The following DMD variants were observed in gnomAD, a reference collection of about 807,000 sequenced individuals.
The protein encoded by DMD is mutant dystrophin.
Under a neutral mutation model 330.1 loss-of-function variants are expected in DMD, and 63 were observed. That is an observed-to-expected ratio of 0.19 (90% CI 0.16 to 0.24). The LOEUF is 0.24. Among genes scored for constraint, DMD ranks in the 10% least tolerant of loss-of-function variants. The probability of loss-of-function intolerance (pLI) is 1.00; values close to 1 mark genes in which losing one functional copy is unlikely to be tolerated. For missense variants in DMD, 3,344 were observed against 2,684.1 expected, an observed-to-expected ratio of 1.25 and a Z score of -5.43; for synonymous variants, 1,223 against 959.8, an observed-to-expected ratio of 1.27 and a Z score of -5.07.
intron 1 of DMD, among the ~76,000 whole-genome samples, chrX:33,167,149 C>A (rs898783626): frequency 9.0e-6 from 1 of 111,402 alleles, no homozygotes; most frequent in Non-Finnish European, 1.9e-5. Context: ...TAGGAAACAA[C>A]GCTTGAATAA....
chrX:33,212,853 C>T (rs1194492381), upstream of DMD, among the ~76,000 whole-genome samples: 1 of 111,486 alleles, frequency 9.0e-6, no homozygotes, highest in Non-Finnish European at 1.9e-5. Flanking sequence ...CATAAAACAA[C>T]ATAGAAAAAA....
intron 44 of DMD, among the ~76,000 whole-genome samples, chrX:32,007,027 A>G (rs2095666349): frequency 1.2e-5 from 1 of 83,762 alleles, no homozygotes; most frequent in African/African-American, 4.7e-5. Flanking sequence ...ATGAGAACAC[A>G]TGGACACAGG....
At chrX:32,122,680 T>A (rs2096641919) in intron 44 of DMD, among the ~76,000 whole-genome samples, 1 of 111,515 alleles carries the variant, frequency 9.0e-6, no homozygotes, top group Non-Finnish European at 1.9e-5. Flanking sequence ...GCAACAGAAC[T>A]GACACATTCC....
In DMD at chrX:31,203,898, T is replaced by C. The variant is rs72466548; in HGVS notation, c.9807+63A>G. ...ATATGAGAAAACGAAGCTCTGTGGG[T>C]TTTTTAATTAATTTCTAAAATATGA... On this transcript the variant is annotated intron_variant, in intron 67 of 78. Transcript: ENST00000357033. The C allele has an allele frequency of 2.8e-3, 2,986 of 1,061,662 alleles. 11 individuals are homozygous for C. The highest frequency in any genetic ancestry group is 0.015 in the Middle Eastern group (58 of 3,969). 87.5% of individuals were successfully genotyped at this position (1,061,662 alleles called of 1,213,427 possible). A position where few individuals can be genotyped will look rare whatever the true frequency, so the allele number is the denominator to read the frequency against.
At chrX:32,756,926 G>A (rs2748316) in intron 7 of DMD, among the ~76,000 whole-genome samples, 50,271 of 110,336 alleles carry the variant, frequency 0.46, 9,729 homozygotes, top group African/African-American at 0.74. Flanking sequence ...CTGGTTTGAA[G>A]TCAGGCCATA....
chrX:32,729,156 C>T (rs776276438), intron 7 of DMD, among the ~76,000 whole-genome samples: 19 of 111,754 alleles, frequency 1.7e-4, no homozygotes, highest in Non-Finnish European at 3.2e-4. Flanking sequence ...AGTAACTACA[C>T]GATCATTTTT....
At chrX:33,149,046 G>T (rs930250204) in intron 1 of DMD, among the ~76,000 whole-genome samples, 23 of 110,053 alleles carry the variant, frequency 2.1e-4, no homozygotes, top group African/African-American at 6.0e-4. Flanking sequence ...TGGGGTTAGT[G>T]GGGGGGAGGT....
chrX:33,296,196 A>G (rs2053581529), intron 1 of DMD, among the ~76,000 whole-genome samples: 1 of 111,090 alleles, frequency 9.0e-6, no homozygotes. Flanking sequence ...GGTATTCCAT[A>G]TAATTATTAA....
chrX:32,802,565 G>T (rs1013809013), intron 7 of DMD, among the ~76,000 whole-genome samples: 2 of 111,685 alleles, frequency 1.8e-5, no homozygotes, highest in African/African-American at 6.5e-5. Flanking sequence ...GTTTTTAAAG[G>T]GAGTGCTTCC....
At chrX:31,139,107 G>T (rs17340561) in intron 76 of DMD, among the ~76,000 whole-genome samples, 3,650 of 111,640 alleles carry the variant, frequency 0.033, 112 homozygotes, top group East Asian at 0.14. Flanking sequence ...TGATGGCAAT[G>T]CTTTAACACT....
chrX:32,346,780 G>A (rs6527186), intron 38 of DMD, among the ~76,000 whole-genome samples: 23,704 of 110,355 alleles, frequency 0.21, 2,622 homozygotes, highest in African/African-American at 0.43. Flanking sequence ...GTTCCTTTAG[G>A]CTGCAAGAAC....
chrX:31,387,503 G>A (rs2692980), intron 60 of DMD, among the ~76,000 whole-genome samples: 12,216 of 110,694 alleles, frequency 0.11, 558 homozygotes, highest in Middle Eastern at 0.17. Context: ...GGGTTCATGT[G>A]ACTCTCCTGC....
chrX:32,819,848 T>TAAAAAAAAA (rs35344665), intron 5 of DMD, among the ~76,000 whole-genome samples: 1 of 81,017 alleles, frequency 1.2e-5, no homozygotes, highest in Non-Finnish European at 2.5e-5. Flanking sequence ...AATGTTGGTG[T>TAAAAAAAAA]AAAAAAAAAA....
chrX:33,009,855 T>C (rs1422188616), intron 2 of DMD, among the ~76,000 whole-genome samples: 1 of 39,257 alleles, frequency 2.5e-5, no homozygotes, highest in Non-Finnish European at 4.8e-5. Flanking sequence ...TACACACATA[T>C]GTGTATATGT....
At chrX:31,569,398 G>A (rs1031614905) in intron 55 of DMD, among the ~76,000 whole-genome samples, 3 of 107,826 alleles carry the variant, frequency 2.8e-5, no homozygotes, top group East Asian at 2.9e-4. Context: ...AATTCTGTAC[G>A]TTTAAAAGTC....
intron 1 of DMD, among the ~76,000 whole-genome samples, chrX:33,314,574 T>G (rs1439161563): frequency 2.0e-5 from 2 of 98,783 alleles, no homozygotes; most frequent in Admixed American, 1.1e-4. Context: ...TTTTTTGTTT[T>G]TTTTTTTTTT....
chrX:32,350,595 C>G (rs1051812923), intron 37 of DMD, among the ~76,000 whole-genome samples: 1 of 111,534 alleles, frequency 9.0e-6, no homozygotes, highest in Non-Finnish European at 1.9e-5. Context: ...CTGGTCCTTA[C>G]ACAAAACTAA....
At chrX:32,759,544 G>A (rs777791732) in intron 7 of DMD, among the ~76,000 whole-genome samples, 3 of 111,010 alleles carry the variant, frequency 2.7e-5, no homozygotes, top group Non-Finnish European at 3.8e-5. Flanking sequence ...AAAATTGTTT[G>A]CTTGTTCTCT....
chrX:32,763,243 A>AT (rs1272420828), intron 7 of DMD, among the ~76,000 whole-genome samples: 2 of 112,295 alleles, frequency 1.8e-5, no homozygotes, highest in Non-Finnish European at 3.8e-5. Context: ...GAATTATTTA[A>AT]TACAATCGTT....
Sources: gnomAD v4.1 joint callset for allele counts (sites outside exome capture counted in the v4.1 genomes callset) on GRCh38, gnomAD v4.1.1 for gene constraint, MANE v1.5 for transcripts, NCBI Gene and HGNC (gene_info 2026-07-23, HGNC 2026-07-21) for gene names.